The following EFHD1 variants were observed in gnomAD, a reference collection of about 807,000 sequenced individuals.
EFHD1 encodes the protein EF-hand domain family member D1, also known as EF-hand domain-containing protein D1.
EFHD1 carries 10 observed loss-of-function variants against 17.2 expected under a neutral mutation model. That is an observed-to-expected ratio of 0.58 (90% confidence interval 0.36 to 0.99). The LOEUF is 0.99. EFHD1 is among the 50% of genes least tolerant of loss of function. The pLI is 0.01. For synonymous variants in EFHD1, 153 were observed against 142.0 expected, an observed-to-expected ratio of 1.08 and a Z score of -0.55; for missense variants, 310 against 327.5, an observed-to-expected ratio of 0.95 and a Z score of 0.41.
At chr2:232,622,486 G>C (rs370892713) in intron 1 of EFHD1, among the ~76,000 whole-genome samples, 1 of 151,360 alleles carries the variant, frequency 6.6e-6, no homozygotes. Context: ...GGCGGGGGTG[G>C]GGGGGAAGAC....
At chr2:232,609,054 CTTTTTT>C (rs1244427931) in intron 1 of EFHD1, among the ~76,000 whole-genome samples, 1 of 82,264 alleles carries the variant, frequency 1.2e-5, no homozygotes, top group Non-Finnish European at 2.1e-5. Context: ...TGCATAAGTT[CTTTTTT>C]TTTTTTTTTT....
intron 2 of EFHD1, among the ~76,000 whole-genome samples, chr2:232,670,998 C>T (rs1695057809): frequency 6.6e-6 from 1 of 152,172 alleles, no homozygotes; most frequent in African/African-American, 2.4e-5. Context: ...TCTTTCATCA[C>T]TGTAAACTAG....
At chr2:232,657,372 C>T (rs1694781634) in intron 1 of EFHD1, among the ~76,000 whole-genome samples, 2 of 152,184 alleles carry the variant, frequency 1.3e-5, no homozygotes. Flanking sequence ...TCAAGGTTCA[C>T]CCATGTTGTA....
chr2:232,678,151 C>T lies in EFHD1; in HGVS notation c.586-3434C>T, dbSNP rs554767686. On this transcript the variant is annotated intron_variant, in intron 3 of 3. Transcript: ENST00000264059. ...AACAAAAATTAGCTGGGCGTGGTGGCGTGTACCTGTCATCCCAGCTACTCG... is the reference window on the plus strand; with the variant it reads ...AACAAAAATTAGCTGGGCGTGGTGGTGTGTACCTGTCATCCCAGCTACTCG... Among the ~76,000 whole-genome samples the T allele has an allele frequency of 1.7e-3, 256 of 151,838 alleles. 2 individuals are homozygous for T. Among genetic ancestry groups the T allele is most frequent in the African/African-American group, 5.9e-3 (244 of 41,440 alleles).
chr2:232,632,832 C>T (rs559792526), upstream of EFHD1, among the ~76,000 whole-genome samples: 273 of 152,248 alleles, frequency 1.8e-3, no homozygotes, highest in African/African-American at 6.4e-3. Flanking sequence ...AACTATGTTG[C>T]CCAGTCTGGT....
chr2:232,621,515 C>T lies in EFHD1; in HGVS notation c.14+15342C>T, dbSNP rs1694017779. Among the ~76,000 whole-genome samples, 3 of 152,096 alleles carry T rather than the reference C, an allele frequency of 2.0e-5. No individual in the cohort carries two copies. In the South Asian group the frequency reaches 6.2e-4, roughly 32 times the overall value. On this transcript the variant is annotated intron_variant, in intron 1 of 3. Coordinates refer to the EFHD1 transcript ENST00000409613. ...TCGCCCAGGCTAGAGTGCAGTGGCG[C>T]AATCTCAGCTCACTGCAACCTCCAC... is the stretch of plus-strand genomic sequence containing the variant.
At chr2:232,622,360 T>G (rs1300348138) in intron 1 of EFHD1, among the ~76,000 whole-genome samples, 1 of 151,698 alleles carries the variant, frequency 6.6e-6, no homozygotes, top group Non-Finnish European at 1.5e-5. Context: ...TCCCAGCTAC[T>G]TGGGAGGCTG....
intron 1 of EFHD1, among the ~76,000 whole-genome samples, chr2:232,652,612 G>A (rs528850377): frequency 2.6e-5 from 4 of 152,106 alleles, no homozygotes; most frequent in Admixed American, 1.3e-4. Flanking sequence ...AAAGGCAGGC[G>A]GCTGTGATTA....
chr2:232,650,086 G>A (rs1250054958), intron 1 of EFHD1: 1 of 152,212 alleles, frequency 6.6e-6, no homozygotes, highest in Non-Finnish European at 1.5e-5. Context: ...GTCAGCAGTG[G>A]GATTGCTCCT....
chr2:232,613,722 A>G (rs1407348592), intron 1 of EFHD1, among the ~76,000 whole-genome samples: 1 of 151,884 alleles, frequency 6.6e-6, no homozygotes, highest in Admixed American at 6.6e-5. Flanking sequence ...ACAAATATAC[A>G]CACACATATA....
chr2:232,647,653 T>TTTTTTTTTTTTA (rs1553599475), intron 1 of EFHD1, among the ~76,000 whole-genome samples: 2 of 151,568 alleles, frequency 1.3e-5, no homozygotes, highest in African/African-American at 4.9e-5. Flanking sequence ...CTTTTTTTTT[T>TTTTTTTTTTTTA]GAGACGGAGT....
intron 1 of EFHD1, chr2:232,638,480 A>G: frequency 4.2e-6 from 2 of 470,948 alleles, no homozygotes; most frequent in East Asian, 1.4e-4. Context: ...GTGAAACCCA[A>G]AAAGGTGAGG....
At chr2:232,627,627 G>A (rs553936620) in intron 1 of EFHD1, among the ~76,000 whole-genome samples, 155 of 152,206 alleles carry the variant, frequency 1.0e-3, no homozygotes, top group Middle Eastern at 3.4e-3. Flanking sequence ...TCAAATGCAG[G>A]AGCAGATGTG....
rs146501615 is a variant in EFHD1 at position 232,681,465 on chromosome 2, G to A, written c.586-120G>A. 183 of 1,423,806 alleles carry A rather than the reference G, an allele frequency of 1.3e-4. 1 individual carries two copies. Among genetic ancestry groups the A allele is most frequent in the Middle Eastern group, 4.9e-4 (2 of 4,118 alleles). The allele number at this position is 1,423,806 out of a possible 1,614,324, so 88.2% of individuals were successfully genotyped here. On this transcript the variant is annotated intron_variant, in intron 3 of 3. Transcript: ENST00000264059. ...AGTGCTTGCTGGGGTCCTGCCCTCCGTGGGCCCACATTCCCTTGTCTCTAG... is the reference window on the plus strand; with the variant it reads ...AGTGCTTGCTGGGGTCCTGCCCTCCATGGGCCCACATTCCCTTGTCTCTAG...
intron 3 of EFHD1, among the ~76,000 whole-genome samples, chr2:232,672,656 C>T (rs1245685318): frequency 1.3e-5 from 2 of 152,156 alleles, no homozygotes; most frequent in African/African-American, 4.8e-5. Flanking sequence ...CTCTGAGCCT[C>T]GGTGTCTTCA....
rs1209102704 is a variant in EFHD1 at position 232,633,987 on chromosome 2, CTGGAGAGCA to C, written c.286_294del (p.Glu96_Met98del). 2.2e-5 allele frequency: 35 copies of C among 1,597,312 alleles called. No homozygotes were observed. The highest frequency in any genetic ancestry group is 3.0e-5 in the Non-Finnish European group (35 of 1,179,170). ...GTTCAGCCGCCGCCTCATCAAGGACCTGGAGAGCATGTTCAAACTGTGAGCTCCCGCTGC... is the reference window on the plus strand; with the variant it reads ...GTTCAGCCGCCGCCTCATCAAGGACCTGTTCAAACTGTGAGCTCCCGCTGC... On this transcript the variant is annotated inframe_deletion, in exon 1 of 4. Transcript: ENST00000264059.
At chr2:232,642,335 C>A (rs1694447101) in intron 1 of EFHD1, among the ~76,000 whole-genome samples, 1 of 136,836 alleles carries the variant, frequency 7.3e-6, no homozygotes, top group Non-Finnish European at 1.5e-5. Flanking sequence ...GATTGCACCA[C>A]TGCACTCCAG....
In EFHD1 at chr2:232,662,956, G is replaced by A. The variant is rs754008887; in HGVS notation, c.450+7G>A. 5 of 1,571,736 alleles carry A rather than the reference G, an allele frequency of 3.2e-6. No individual in the cohort carries two copies. Among genetic ancestry groups the A allele is most frequent in the Non-Finnish European group, 4.3e-6 (5 of 1,163,546 alleles). On this transcript the variant is annotated splice_region_variant and intron_variant, in intron 2 of 3. Transcript: ENST00000264059. ...CAAGCTCAGCTTCCGGGAGGTACCTGCCTGCTGTGGCCCTGAGCCCCTGTG... is the reference window on the plus strand; with the variant it reads ...CAAGCTCAGCTTCCGGGAGGTACCTACCTGCTGTGGCCCTGAGCCCCTGTG...
chr2:232,606,289 G>T (rs79066912), intron 1 of EFHD1: 2 of 1,267,756 alleles, frequency 1.6e-6, no homozygotes, highest in Non-Finnish European at 2.3e-6. Context: ...TTTCGCCACC[G>T]GAGGGCACTC....
Sources: gnomAD v4.1 joint callset for allele counts (sites outside exome capture counted in the v4.1 genomes callset) on GRCh38, gnomAD v4.1.1 for gene constraint, MANE v1.5 for transcripts, NCBI Gene and HGNC (gene_info 2026-07-23, HGNC 2026-07-21) for gene names.